Variants in MAGI1 observed in about 807,000 individuals in gnomAD.
MAGI1 encodes membrane-associated guanylate kinase, WW and PDZ domain-containing protein 1.
MAGI1 carries 58 observed loss-of-function variants against 139.9 expected under a neutral mutation model. That is an observed-to-expected ratio of 0.41 (90% CI 0.34 to 0.52). The LOEUF is 0.52. Among genes scored for constraint, MAGI1 ranks in the 20% least tolerant of loss-of-function variants. The probability of loss-of-function intolerance (pLI) is 0.12; values close to 1 mark genes in which losing one functional copy is unlikely to be tolerated. For synonymous variants in MAGI1, 812 were observed against 737.9 expected (o/e 1.10, Z -1.63); for missense variants, 1,874 against 1,901.6 (o/e 0.99, Z 0.27).
chr3:65,403,441 T>A, intron 12 of MAGI1, among the ~76,000 whole-genome samples: 1 of 152,284 alleles, frequency 6.6e-6, no homozygotes, highest in South Asian at 2.1e-4. Flanking sequence ...GATTAAGTGC[T>A]TTTTTTGGCT....
chr3:65,464,236 T>C (rs1234317349), intron 5 of MAGI1, among the ~76,000 whole-genome samples: 1 of 152,178 alleles, frequency 6.6e-6, no homozygotes, highest in East Asian at 1.9e-4. Flanking sequence ...TTTTCAGCTC[T>C]TGACAATTTC....
chr3:65,608,203 A>T (rs2082852061), intron 2 of MAGI1, among the ~76,000 whole-genome samples: 1 of 152,192 alleles, frequency 6.6e-6, no homozygotes, highest in South Asian at 2.1e-4. Flanking sequence ...GCACTTTGGG[A>T]GGGTGAGACA....
At chr3:65,782,613 CAAAAAAAAAAAA>C (rs56367932) in intron 1 of MAGI1, among the ~76,000 whole-genome samples, 13 of 60,546 alleles carry the variant, frequency 2.1e-4, no homozygotes, top group Admixed American at 5.4e-4. Context: ...ATTTCTTAAG[CAAAAAAAAAAAA>C]AAAAAAAAAA....
intron 2 of MAGI1, among the ~76,000 whole-genome samples, chr3:65,559,772 C>G (rs1193101502): frequency 6.6e-6 from 1 of 152,194 alleles, no homozygotes; most frequent in African/African-American, 2.4e-5. Context: ...CATGGTGGCT[C>G]ACGCCTGTAA....
chr3:65,854,336 G>A (rs73832981), intron 1 of MAGI1, among the ~76,000 whole-genome samples: 7,235 of 152,176 alleles, frequency 0.048, 570 homozygotes, highest in African/African-American at 0.16. Context: ...GGAGACATGA[G>A]TACATGCAAT....
At chr3:65,368,672 G>A (rs1488577093) in intron 18 of MAGI1, among the ~76,000 whole-genome samples, 2 of 152,162 alleles carry the variant, frequency 1.3e-5, no homozygotes, top group Admixed American at 6.5e-5. Flanking sequence ...ATATCTAAGG[G>A]CGGCATGGGG....
intron 2 of MAGI1, among the ~76,000 whole-genome samples, chr3:65,581,389 G>C (rs190536684): frequency 1.8e-4 from 27 of 152,086 alleles, no homozygotes; most frequent in African/African-American, 6.3e-4. Flanking sequence ...ATGAGGCCAC[G>C]GAAGTTCTCT....
At chr3:65,401,028 G>C (rs1344917866) in intron 13 of MAGI1, among the ~76,000 whole-genome samples, 1 of 151,958 alleles carries the variant, frequency 6.6e-6, no homozygotes, top group Admixed American at 6.6e-5. Flanking sequence ...ACATGTGAAC[G>C]GCTGGGAACA....
intron 1 of MAGI1, chr3:65,687,345 C>CG: frequency 3.9e-6 from 1 of 253,454 alleles, no homozygotes; most frequent in Non-Finnish European, 8.4e-6. Flanking sequence ...CACTTGGGCT[C>CG]CAAAAGAGGC....
At chr3:65,416,985 G>A (rs149833636) in intron 12 of MAGI1, among the ~76,000 whole-genome samples, 5 of 152,270 alleles carry the variant, frequency 3.3e-5, no homozygotes, top group African/African-American at 4.8e-5. Context: ...GGTAAAGAAC[G>A]TGTGATTTCA....
At chr3:66,008,592 G>A (rs2067155527) in intron 1 of MAGI1, among the ~76,000 whole-genome samples, 1 of 152,178 alleles carries the variant, frequency 6.6e-6, no homozygotes, top group African/African-American at 2.4e-5. Context: ...GAAACAAGTG[G>A]TCTTATGAGA....
intron 1 of MAGI1, among the ~76,000 whole-genome samples, chr3:65,882,212 A>C (rs188422910): frequency 8.5e-5 from 13 of 152,354 alleles, no homozygotes; most frequent in Admixed American, 4.6e-4. Flanking sequence ...GGATCACTCT[A>C]AGATGTACCT....
chr3:65,661,692 A>G (rs1477060078), intron 1 of MAGI1, among the ~76,000 whole-genome samples: 1 of 150,292 alleles, frequency 6.7e-6, no homozygotes, highest in Non-Finnish European at 1.5e-5. Context: ...ACCTGTTTTT[A>G]GTATTCTTAA....
chr3:66,009,515 T>C (rs1308586726), intron 1 of MAGI1, among the ~76,000 whole-genome samples: 1 of 151,420 alleles, frequency 6.6e-6, no homozygotes, highest in African/African-American at 2.4e-5. Flanking sequence ...TGCCTCAAAA[T>C]AAAAAAAGTA....
At chr3:65,867,398 C>T (rs996667267) in intron 1 of MAGI1, among the ~76,000 whole-genome samples, 2 of 152,302 alleles carry the variant, frequency 1.3e-5, no homozygotes, top group Non-Finnish European at 2.9e-5. Flanking sequence ...AGCTCCACAA[C>T]GCTTTTCTGG....
chr3:65,425,385 G>T lies in MAGI1; in HGVS notation c.2167+4135C>A, dbSNP rs1427639486. ...CTAAAGTCACAATGCAAGTAGAGCAGAAGCCAGGATTTAAACTTGCATCCT... is the reference window on the plus strand; with the variant it reads ...CTAAAGTCACAATGCAAGTAGAGCATAAGCCAGGATTTAAACTTGCATCCT... On this transcript the variant is annotated intron_variant, in intron 12 of 22. Coordinates refer to ENST00000402939, the MANE Select transcript of MAGI1 (RefSeq NM_001033057.2). Among the ~76,000 whole-genome samples, 4 of 152,228 alleles carry T rather than the reference G, an allele frequency of 2.6e-5. No individual in the cohort carries two copies. The East Asian group carries it at 7.7e-4, about 29-fold the overall frequency.
intron 1 of MAGI1, among the ~76,000 whole-genome samples, chr3:65,766,741 T>A (rs1167792254): frequency 6.6e-6 from 1 of 151,818 alleles, no homozygotes; most frequent in East Asian, 2.0e-4. Context: ...AATAAAAAAT[T>A]AGCCAGGTGT....
chr3:65,917,624 A>G (rs1165392829), intron 1 of MAGI1, among the ~76,000 whole-genome samples: 1 of 152,232 alleles, frequency 6.6e-6, no homozygotes, highest in Admixed American at 6.5e-5. Flanking sequence ...ACACACCATC[A>G]AGCCATGAAA....
At chr3:65,951,892 A>G (rs771408057) in intron 1 of MAGI1, among the ~76,000 whole-genome samples, 6 of 152,248 alleles carry the variant, frequency 3.9e-5, no homozygotes, top group Non-Finnish European at 5.9e-5. Flanking sequence ...ATTCTTAAAT[A>G]ATCATGCTTT....
Sources: allele counts gnomAD v4.1 joint callset (sites outside exome capture counted in the v4.1 genomes callset), GRCh38; gene constraint gnomAD v4.1.1; transcripts MANE v1.5; gene names NCBI Gene and HGNC (gene_info 2026-07-23, HGNC 2026-07-21).